The following OSBPL1A variants were observed in gnomAD, a reference collection of about 807,000 sequenced individuals.
OSBPL1A encodes oxysterol binding protein like 1A.
OSBPL1A carries 80 observed loss-of-function variants against 137.1 expected under a neutral mutation model. The ratio of observed to expected loss-of-function variants is 0.58; its 90% CI spans 0.49 to 0.70. The LOEUF (loss-of-function observed/expected upper bound fraction) is 0.70. OSBPL1A is among the 30% of genes least tolerant of loss of function. OSBPL1A has a pLI of 0.00. For synonymous variants in OSBPL1A, 365 were observed against 389.7 expected, an observed-to-expected ratio of 0.94 and a Z score of 0.75; for missense variants, 970 against 1,129.4, an observed-to-expected ratio of 0.86 and a Z score of 2.02.
At chr18:24,218,863 G>A (rs1377423503) in intron 17 of OSBPL1A, among the ~76,000 whole-genome samples, 1 of 152,100 alleles carries the variant, frequency 6.6e-6, no homozygotes, top group Admixed American at 6.6e-5. Flanking sequence ...ATATTAGCTC[G>A]ATTCATCCAT....
intron 14 of OSBPL1A, among the ~76,000 whole-genome samples, chr18:24,301,099 C>A (rs951695034): frequency 6.6e-6 from 1 of 152,224 alleles, no homozygotes; most frequent in South Asian, 2.1e-4. Flanking sequence ...CAATTCCATT[C>A]ATCAAATCAT....
At chr18:24,219,437 T>C (rs2087815896) in intron 17 of OSBPL1A, among the ~76,000 whole-genome samples, 1 of 152,220 alleles carries the variant, frequency 6.6e-6, no homozygotes. Flanking sequence ...AAAATTTCCA[T>C]AATAAAAAGT....
At chr18:24,311,633 G>A (rs2090621234) in intron 13 of OSBPL1A, 1 of 413,592 alleles carries the variant, frequency 2.4e-6, no homozygotes, top group Non-Finnish European at 3.4e-6. Flanking sequence ...TCTGAAATGT[G>A]CAGTGAAGTC....
At chr18:24,257,805 A>T (rs890417075) in intron 15 of OSBPL1A, among the ~76,000 whole-genome samples, 6 of 152,256 alleles carry the variant, frequency 3.9e-5, no homozygotes, top group African/African-American at 1.4e-4. Context: ...TAATGCTATT[A>T]AAACATGAGT....
intron 15 of OSBPL1A, among the ~76,000 whole-genome samples, chr18:24,264,591 AC>A (rs2089524707): frequency 6.6e-6 from 1 of 152,198 alleles, no homozygotes; most frequent in African/African-American, 2.4e-5. Context: ...CCAAATCTTC[AC>A]AAAAAGATGG....
At chr18:24,171,618 C>T in intron 22 of OSBPL1A, 120 bp from the exon 23 acceptor site, 1 of 745,752 alleles carries the variant, frequency 1.3e-6, no homozygotes, top group East Asian at 2.5e-5. Context: ...GTGTGCCAGG[C>T]TCCATACTAA....
chr18:24,315,586 C>A, intron 11 of OSBPL1A, among the ~76,000 whole-genome samples: 1 of 89,258 alleles, frequency 1.1e-5, no homozygotes, highest in South Asian at 2.7e-4. Flanking sequence ...ATATTATAAT[C>A]ATATTAATAT....
At chr18:24,298,040 A>G (rs1055053727) in intron 14 of OSBPL1A, among the ~76,000 whole-genome samples, 7 of 152,190 alleles carry the variant, frequency 4.6e-5, no homozygotes, top group African/African-American at 1.7e-4. Flanking sequence ...GACCTTGCTG[A>G]TAAAACAGGT....
At chr18:24,336,796 C>T (rs2091182975) in intron 5 of OSBPL1A, among the ~76,000 whole-genome samples, 1 of 152,054 alleles carries the variant, frequency 6.6e-6, no homozygotes, top group South Asian at 2.1e-4. Context: ...CAGGAGAGCA[C>T]CTGGAAAATA....
chr18:24,396,900 C>T (rs761628341), intron 1 of OSBPL1A, among the ~76,000 whole-genome samples: 5 of 152,154 alleles, frequency 3.3e-5, no homozygotes, highest in Non-Finnish European at 5.9e-5. Context: ...AAACACATCA[C>T]CGATTTTAAA....
At chr18:24,194,053 T>C (rs763506268) in intron 18 of OSBPL1A, among the ~76,000 whole-genome samples, 1 of 152,184 alleles carries the variant, frequency 6.6e-6, no homozygotes, top group Admixed American at 6.5e-5. Context: ...GTCACCTTCA[T>C]GAACAAATTC....
chr18:24,366,820 A>G, intron 4 of OSBPL1A, 72 bp downstream of exon 4: 3 of 1,460,548 alleles, frequency 2.1e-6, no homozygotes, highest in Non-Finnish European at 2.8e-6. Flanking sequence ...AGATGGTTAT[A>G]ACAGAGAAAA....
At chr18:24,272,994 C>G (rs954193922) in intron 15 of OSBPL1A, among the ~76,000 whole-genome samples, 1 of 152,190 alleles carries the variant, frequency 6.6e-6, no homozygotes, top group Admixed American at 6.5e-5. Context: ...CAACCTCCAC[C>G]TCCTGGGTTC....
Position 24,181,289 on chromosome 18 carries a change from CA to C in OSBPL1A, c.1678-11del. ...TGATCTTGGATAGTTCCTATTTAAC[CA>C]GAAAATTGAAAGTGTTATGTCCCAT... On this transcript the variant is annotated splice_polypyrimidine_tract_variant and intron_variant, in intron 18 of 27. Coordinates refer to ENST00000319481, the MANE Select transcript of OSBPL1A (RefSeq NM_080597.4). 6.2e-7 allele frequency: 1 copy of C among 1,613,432 alleles called. No homozygotes were observed. The highest frequency in any genetic ancestry group is 8.5e-7 in the Non-Finnish European group (1 of 1,179,664).
chr18:24,335,382 A>C (rs1449661585), intron 5 of OSBPL1A, among the ~76,000 whole-genome samples: 1 of 152,208 alleles, frequency 6.6e-6, no homozygotes, highest in Non-Finnish European at 1.5e-5. Context: ...ATCAGAGTGG[A>C]GGAGCTGGGA....
chr18:24,218,903 A>G (rs1251832564), intron 17 of OSBPL1A, among the ~76,000 whole-genome samples: 1 of 152,180 alleles, frequency 6.6e-6, no homozygotes, highest in Non-Finnish European at 1.5e-5. Context: ...ATATTTCAAA[A>G]CACCATGTTG....
At chr18:24,193,897 A>C (rs79349874) in intron 18 of OSBPL1A, among the ~76,000 whole-genome samples, 1,817 of 152,354 alleles carry the variant, frequency 0.012, 32 homozygotes, top group African/African-American at 0.041. Flanking sequence ...ACAAGAAGTT[A>C]TGTGCCTAAA....
intron 18 of OSBPL1A, among the ~76,000 whole-genome samples, chr18:24,182,173 T>A (rs573729256): frequency 3.9e-4 from 59 of 152,324 alleles, no homozygotes; most frequent in African/African-American, 1.3e-3. Flanking sequence ...GGCTACTGCA[T>A]ATTTTACAGA....
At chr18:24,224,650 A>C (rs2088007814) in intron 17 of OSBPL1A, among the ~76,000 whole-genome samples, 1 of 152,272 alleles carries the variant, frequency 6.6e-6, no homozygotes, top group South Asian at 2.1e-4. Flanking sequence ...ATTGCCACTC[A>C]TTCTTAATAA....
Sources: gnomAD v4.1 joint callset for allele counts (sites outside exome capture counted in the v4.1 genomes callset) on GRCh38, gnomAD v4.1.1 for gene constraint, MANE v1.5 for transcripts, NCBI Gene and HGNC (gene_info 2026-07-23, HGNC 2026-07-21) for gene names.